DAB1: variants seen among roughly 807,000 people sequenced by gnomAD.
DAB1 encodes the protein DAB adaptor protein 1, also known as disabled homolog 1.
A neutral mutation model predicts 64.6 loss-of-function variants in DAB1; 15 were observed. The observed-to-expected ratio is 0.23, with a 90% CI of 0.16 to 0.36. DAB1 has a LOEUF of 0.36. Among genes scored for constraint, DAB1 ranks in the 10% least tolerant of loss-of-function variants. The pLI is 1.00. For synonymous variants in DAB1, 235 were observed against 251.9 expected (o/e 0.93, Z 0.64); for missense variants, 596 against 706.7 (o/e 0.84, Z 1.78).
At chr1:57,453,710 A>G (rs912858850) in intron 7 of DAB1, among the ~76,000 whole-genome samples, 2 of 152,206 alleles carry the variant, frequency 1.3e-5, no homozygotes, top group Non-Finnish European at 2.9e-5. Context: ...GTGTTAGAGA[A>G]GTCTAATCAC....
In DAB1 at chr1:57,053,757, G is replaced by A. The variant is rs145424307; in HGVS notation, c.723+9127C>T. On this transcript the variant is annotated intron_variant, in intron 9 of 14. Coordinates refer to ENST00000371236, the MANE Select transcript of DAB1 (RefSeq NM_001365792.1). ...GGCTGGAGTGCAGTGGCATGATCTC[G>A]GCTCACTGAAACCTCCGCTTCCTGG... Among the ~76,000 whole-genome samples, 1,278 of 142,342 alleles carry A rather than the reference G, an allele frequency of 9.0e-3. 20 individuals are homozygous for A. The highest frequency in any genetic ancestry group is 0.032 in the African/African-American group (1,217 of 38,126). The allele number at this position is 142,342 out of a possible 152,430, so 93.4% of individuals were successfully genotyped here.
intron 5 of DAB1, among the ~76,000 whole-genome samples, chr1:58,139,045 T>C (rs1408607114): frequency 6.6e-6 from 1 of 152,126 alleles, no homozygotes; most frequent in African/African-American, 2.4e-5. Flanking sequence ...GGTGTGTAAT[T>C]TGGGGCTTTT....
chr1:57,186,936 T>C (rs1663625178), intron 2 of DAB1, among the ~76,000 whole-genome samples: 1 of 152,166 alleles, frequency 6.6e-6, no homozygotes, highest in African/African-American at 2.4e-5. Flanking sequence ...GGCTAATTCA[T>C]TTCTATTTTG....
chr1:57,143,404 A>G (rs1658800300), intron 3 of DAB1, among the ~76,000 whole-genome samples: 1 of 152,306 alleles, frequency 6.6e-6, no homozygotes, highest in African/African-American at 2.4e-5. Flanking sequence ...AAAGCTCATC[A>G]TTGGACTACC....
chr1:57,549,776 G>A (rs1042751444), intron 7 of DAB1, among the ~76,000 whole-genome samples: 1 of 152,140 alleles, frequency 6.6e-6, no homozygotes, highest in Non-Finnish European at 1.5e-5. Flanking sequence ...ATTATCTTTG[G>A]ATAATTCTTC....
chr1:57,894,277 G>A (rs897039022), intron 5 of DAB1, among the ~76,000 whole-genome samples: 5 of 152,112 alleles, frequency 3.3e-5, no homozygotes, highest in Admixed American at 1.3e-4. Context: ...TCTCTTCTTC[G>A]GCTTTCTGTC....
At chr1:58,435,524 G>A (rs1361201622) in intron 3 of DAB1, among the ~76,000 whole-genome samples, 2 of 152,080 alleles carry the variant, frequency 1.3e-5, no homozygotes, top group Non-Finnish European at 1.5e-5. Flanking sequence ...ACACCCCCAA[G>A]GATGATTTCA....
chr1:58,524,476 T>TAGATAG (rs1310226761), intron 2 of DAB1, among the ~76,000 whole-genome samples: 6 of 152,250 alleles, frequency 3.9e-5, no homozygotes, highest in Non-Finnish European at 7.3e-5. Context: ...TTAGAGTCTA[T>TAGATAG]AGATAGGCCT....
intron 7 of DAB1, among the ~76,000 whole-genome samples, chr1:57,624,808 T>G (rs1226237813): frequency 6.6e-6 from 1 of 152,228 alleles, no homozygotes; most frequent in Non-Finnish European, 1.5e-5. Context: ...TTCCTACATA[T>G]GCTGGCAGAC....
intron 5 of DAB1, among the ~76,000 whole-genome samples, chr1:58,127,225 T>C (rs572645515): frequency 5.3e-5 from 8 of 152,334 alleles, no homozygotes; most frequent in Non-Finnish European, 1.0e-4. Context: ...ATGAGCATTT[T>C]TTCATGTGTT....
chr1:57,212,621 C>G (rs752762809), intron 2 of DAB1, among the ~76,000 whole-genome samples: 3 of 152,038 alleles, frequency 2.0e-5, no homozygotes, highest in Non-Finnish European at 4.4e-5. Flanking sequence ...CCCGCCTCGG[C>G]CTCTCAAAGT....
chr1:57,452,749 A>G (rs772593081), intron 7 of DAB1, among the ~76,000 whole-genome samples: 19 of 152,144 alleles, frequency 1.2e-4, no homozygotes, highest in Non-Finnish European at 2.4e-4. Context: ...AAAGGATATT[A>G]CAATAGCATC....
chr1:57,004,941 A>C (rs1310805894), intron 14 of DAB1, among the ~76,000 whole-genome samples: 2 of 152,204 alleles, frequency 1.3e-5, no homozygotes, highest in Non-Finnish European at 2.9e-5. Flanking sequence ...AGCTCGTATA[A>C]CATGAAGTAT....
chr1:57,139,731 T>C (rs1658422382), intron 3 of DAB1, among the ~76,000 whole-genome samples: 1 of 152,032 alleles, frequency 6.6e-6, no homozygotes, highest in African/African-American at 2.4e-5. Flanking sequence ...TCCTAGCATA[T>C]AGTAGTGCTG....
intron 3 of DAB1, among the ~76,000 whole-genome samples, chr1:58,496,140 C>T (rs1645797356): frequency 6.6e-6 from 1 of 151,804 alleles, no homozygotes; most frequent in Non-Finnish European, 1.5e-5. Context: ...TTTCCTGGTG[C>T]CTTTTCAATA....
intron 3 of DAB1, among the ~76,000 whole-genome samples, chr1:58,467,435 T>C (rs1645307940): frequency 6.6e-6 from 1 of 152,256 alleles, no homozygotes; most frequent in South Asian, 2.1e-4. Flanking sequence ...TCTCTTCTCC[T>C]GATTATTAAA....
rs115027258 is a variant in DAB1 at position 58,343,600 on chromosome 1, C to T, written n.258-197G>A. 4.4e-3 allele frequency among the ~76,000 whole-genome samples: 663 copies of T among 152,256 alleles called. 2 individuals are homozygous for T. The highest frequency in any genetic ancestry group is 0.016 in the African/African-American group (646 of 41,546). On this transcript the variant is annotated intron_variant and non_coding_transcript_variant, in intron 3 of 20. Transcript: ENST00000485760. ...TTGGGAGGGAGAAAGACAGAAAGAC[C>T]CAGAATTCATGTTGTGCTGCGTGAA...
intron 6 of DAB1, among the ~76,000 whole-genome samples, chr1:57,811,142 G>T (rs1156297425): frequency 6.6e-6 from 1 of 152,198 alleles, no homozygotes; most frequent in Non-Finnish European, 1.5e-5. Context: ...TCTTCCTATT[G>T]TAAGATCCTT....
chr1:58,272,718 G>A (rs868794828), intron 4 of DAB1, among the ~76,000 whole-genome samples: 9 of 152,006 alleles, frequency 5.9e-5, no homozygotes, highest in Middle Eastern at 3.4e-3. Context: ...CCTGTATTGG[G>A]TGCATATATA....
Sources: allele counts gnomAD v4.1 joint callset (sites outside exome capture counted in the v4.1 genomes callset), GRCh38; gene constraint gnomAD v4.1.1; transcripts MANE v1.5; gene names NCBI Gene and HGNC (gene_info 2026-07-23, HGNC 2026-07-21).